The following SUMF1 variants were observed in gnomAD, a reference collection of about 807,000 sequenced individuals.
SUMF1 encodes sulfatase modifying factor 1, also known as formylglycine-generating enzyme.
A neutral mutation model predicts 47.6 loss-of-function variants in SUMF1; 48 were observed. The ratio of observed to expected loss-of-function variants is 1.01; its 90% CI spans 0.80 to 1.28. The LOEUF (loss-of-function observed/expected upper bound fraction) is 1.28, where lower values mean the gene tolerates loss of function less well. Ranked by LOEUF, SUMF1 falls within the 50% of genes most tolerant of loss-of-function variation. The probability of loss-of-function intolerance (pLI) is 0.00; values close to 1 mark genes in which losing one functional copy is unlikely to be tolerated. For missense variants in SUMF1, 571 were observed against 485.4 expected (o/e 1.18, Z -1.66); for synonymous variants, 230 against 192.1 (o/e 1.20, Z -1.63).
rs1300393724 is a variant in SUMF1 at position 4,316,700 on chromosome 3, C to T, written c.1014+59630G>A. 3 of 1,550,940 alleles carry T rather than the reference C, an allele frequency of 1.9e-6. No individual in the cohort carries two copies. The Admixed American group carries it at 5.9e-5, about 30-fold the overall frequency. ...GTGATGAAAAGTGGATTTTATATGA[C>T]AACCGGCGACGATCAGCTCAGTGGT... is the stretch of plus-strand genomic sequence containing the variant. On this transcript the variant is annotated intron_variant and NMD_transcript_variant, in intron 8 of 12. Coordinates refer to the SUMF1 transcript ENST00000448413.
At chr3:4,280,930 C>T (rs946593520) in intron 8 of SUMF1, among the ~76,000 whole-genome samples, 2 of 150,662 alleles carry the variant, frequency 1.3e-5, no homozygotes, top group Non-Finnish European at 2.9e-5. Context: ...TAGGGCCCAT[C>T]CTAATAATTT....
At chr3:4,206,772 G>C (rs944803884) in intron 8 of SUMF1, among the ~76,000 whole-genome samples, 5 of 151,570 alleles carry the variant, frequency 3.3e-5, no homozygotes, top group African/African-American at 1.2e-4. Flanking sequence ...TTACTGGAGG[G>C]TTCTATTCAG....
At chr3:4,278,512 G>C (rs1697463451) in intron 8 of SUMF1, among the ~76,000 whole-genome samples, 1 of 152,000 alleles carries the variant, frequency 6.6e-6, no homozygotes, top group Non-Finnish European at 1.5e-5. Flanking sequence ...ATTTTAAAAA[G>C]AACATCCTAA....
At chr3:4,145,552 A>G (rs905887393) in intron 8 of SUMF1, among the ~76,000 whole-genome samples, 1 of 152,068 alleles carries the variant, frequency 6.6e-6, no homozygotes, top group Non-Finnish European at 1.5e-5. Context: ...AGCAATTACA[A>G]TGCCTTCTCA....
chr3:4,124,988 C>A (rs547601661), intron 8 of SUMF1, among the ~76,000 whole-genome samples: 13 of 152,188 alleles, frequency 8.5e-5, no homozygotes, highest in African/African-American at 3.1e-4. Context: ...TGATTCCAAT[C>A]AAATCATTTA....
At chr3:4,233,581 C>T (rs146855317) in intron 8 of SUMF1, among the ~76,000 whole-genome samples, 111 of 152,144 alleles carry the variant, frequency 7.3e-4, no homozygotes, top group African/African-American at 2.5e-3. Context: ...ACAGAACAGA[C>T]AACCAATTTG....
At chr3:4,292,134 T>G (rs1697753524) in intron 8 of SUMF1, among the ~76,000 whole-genome samples, 1 of 152,194 alleles carries the variant, frequency 6.6e-6, no homozygotes, top group Non-Finnish European at 1.5e-5. Context: ...AATAAAATTT[T>G]CCTTATTTAT....
intron 1 of SUMF1, among the ~76,000 whole-genome samples, chr3:4,459,460 A>G (rs377595788): frequency 1.2e-4 from 19 of 152,342 alleles, no homozygotes; most frequent in African/African-American, 4.6e-4. Flanking sequence ...AAATAACATC[A>G]GAAGAAACAG....
chr3:4,353,731 C>G (rs1046115621), intron 8 of SUMF1, among the ~76,000 whole-genome samples: 2 of 152,082 alleles, frequency 1.3e-5, no homozygotes, highest in African/African-American at 4.8e-5. Context: ...CTGGAGGTCT[C>G]TGGGGTCTCC....
intron 8 of SUMF1, among the ~76,000 whole-genome samples, chr3:4,350,831 A>G (rs1687863): frequency 0.22 from 33,054 of 151,936 alleles, 3,868 homozygotes; most frequent in South Asian, 0.45. Flanking sequence ...CACCTATGGA[A>G]TAAAATTTTG....
intron 1 of SUMF1, among the ~76,000 whole-genome samples, chr3:4,454,192 G>A (rs888374081): frequency 6.6e-6 from 1 of 152,126 alleles, no homozygotes; most frequent in Non-Finnish European, 1.5e-5. Flanking sequence ...CAACTACTTT[G>A]TTCCTATCTA....
At chr3:4,416,845 T>C (rs1701730564) in intron 6 of SUMF1, among the ~76,000 whole-genome samples, 1 of 152,194 alleles carries the variant, frequency 6.6e-6, no homozygotes, top group Admixed American at 6.5e-5. Context: ...CTAACAGGTA[T>C]TATTTCTGGG....
chr3:4,135,504 C>T (rs1443372344), intron 8 of SUMF1, among the ~76,000 whole-genome samples: 1 of 152,042 alleles, frequency 6.6e-6, no homozygotes, highest in Non-Finnish European at 1.5e-5. Flanking sequence ...ATGACAAACC[C>T]ATAGCCAATA....
intron 8 of SUMF1, among the ~76,000 whole-genome samples, chr3:4,322,226 A>T (rs1698851820): frequency 1.3e-5 from 2 of 152,126 alleles, no homozygotes; most frequent in South Asian, 4.1e-4. Context: ...TAAAAATCTG[A>T]ATCAACTATG....
intron 8 of SUMF1, among the ~76,000 whole-genome samples, chr3:4,124,786 T>C (rs1693618229): frequency 1.4e-5 from 2 of 145,002 alleles, no homozygotes; most frequent in Admixed American, 1.4e-4. Flanking sequence ...TTGAGAATAC[T>C]ACCTATCTGT....
intron 9 of SUMF1, among the ~76,000 whole-genome samples, chr3:4,049,266 G>C (rs906556579): frequency 6.6e-6 from 1 of 152,124 alleles, no homozygotes; most frequent in Admixed American, 6.5e-5. Flanking sequence ...ATGGGGCAAA[G>C]GCAAATAATT....
At chr3:4,418,534 A>G (rs1008576076) in intron 4 of SUMF1, among the ~76,000 whole-genome samples, 3 of 152,244 alleles carry the variant, frequency 2.0e-5, no homozygotes, top group Admixed American at 6.5e-5. Context: ...AGGGGCATAC[A>G]GAGCCAGCCA....
At chr3:4,084,173 T>C (rs1692624413) in intron 8 of SUMF1, among the ~76,000 whole-genome samples, 2 of 152,128 alleles carry the variant, frequency 1.3e-5, no homozygotes, top group South Asian at 4.1e-4. Flanking sequence ...ATCTCTTCCA[T>C]GAGCCTGGGC....
intron 8 of SUMF1, among the ~76,000 whole-genome samples, chr3:4,246,032 G>A (rs9817202): frequency 4.4e-4 from 67 of 152,298 alleles, no homozygotes; most frequent in African/African-American, 1.6e-3. Flanking sequence ...CACTAGCAGC[G>A]AGCAAGGCTC....
Sources: allele counts gnomAD v4.1 joint callset (sites outside exome capture counted in the v4.1 genomes callset), GRCh38; gene constraint gnomAD v4.1.1; transcripts MANE v1.5; gene names NCBI Gene and HGNC (gene_info 2026-07-23, HGNC 2026-07-21).